Variants in SLC9B1 observed in about 807,000 individuals in gnomAD.
SLC9B1 encodes the protein sodium/hydrogen exchanger 9B1.
SLC9B1 carries 32 observed loss-of-function variants against 51.7 expected under a neutral mutation model. That is an observed-to-expected ratio of 0.62 (90% CI 0.47 to 0.83). SLC9B1 has a LOEUF of 0.83. Among genes scored for constraint, SLC9B1 ranks in the 40% least tolerant of loss-of-function variants. The pLI is 0.00. For missense variants in SLC9B1, 406 were observed against 613.2 expected (o/e 0.66, Z 3.57); for synonymous variants, 145 against 212.7 (o/e 0.68, Z 2.77).
In SLC9B1 at chr4:102,901,342, G is replaced by C. The variant is rs1184746396; in HGVS notation, c.1333-10C>G. On this transcript the variant is annotated splice_polypyrimidine_tract_variant and intron_variant, in intron 11 of 11. Coordinates refer to ENST00000296422, the MANE Select transcript of SLC9B1 (RefSeq NM_139173.4). ...GAGGACCTAACACAGCCTGCATTTA[G>C]GGGTAAAAATGGGGCATAAAGAAAA... The C allele has an allele frequency of 5.6e-6, 9 of 1,611,398 alleles. No individual in the cohort carries two copies. Among genetic ancestry groups the C allele is most frequent in the Non-Finnish European group, 6.8e-6 (8 of 1,179,446 alleles).
chr4:102,981,192 T>C (rs1739338873), intron 3 of SLC9B1, among the ~76,000 whole-genome samples: 1 of 152,210 alleles, frequency 6.6e-6, no homozygotes, highest in South Asian at 2.1e-4. Flanking sequence ...TTCTTTTCAG[T>C]ATTGAATAAT....
At position 102,945,201 on chromosome 4, in the gene SLC9B1, A is replaced by T. The variant is rs1400221720; in HGVS notation, c.645T>A (p.Phe215Leu). The part of the protein sequence containing the change: ...FIMKFPWQWA[F>L]LLGFVLGAVS... ...AATGAGAAAGAAATTACCCTAATAG[A>T]AATGCCCATTGCCAGGGAAATTTCA... Residue 215 changes from phenylalanine (F) to leucine (L), a missense_variant, in exon 6 of 12, where the codon TTT becomes TTA. Around this residue, in one of 6 missense-constraint regions of SLC9B1, gnomAD observed 250 missense variants for 394.1 expected, o/e 0.63. Coordinates refer to ENST00000296422, the MANE Select transcript of SLC9B1 (RefSeq NM_139173.4). The T allele has an allele frequency of 6.2e-7, 1 of 1,601,142 alleles. No individual in the cohort carries two copies. The highest frequency in any genetic ancestry group is 1.3e-5 in the African/African-American group (1 of 74,518).
chr4:102,911,409 A>G (rs1016164880), intron 8 of SLC9B1, 22 bp downstream of exon 8: 3 of 1,518,304 alleles, frequency 2.0e-6, no homozygotes, highest in African/African-American at 2.8e-5. Flanking sequence ...CTATACTTCT[A>G]TAAAATAGAT....
chr4:102,967,740 C>T (rs2110495148), intron 3 of SLC9B1, among the ~76,000 whole-genome samples: 1 of 152,292 alleles, frequency 6.6e-6, no homozygotes, highest in African/African-American at 2.4e-5. Flanking sequence ...TAGGCCCCAC[C>T]TCTTAAGCAT....
chr4:102,997,984 T>C (rs985051519), intron 1 of SLC9B1, among the ~76,000 whole-genome samples: 2 of 152,194 alleles, frequency 1.3e-5, no homozygotes, highest in Non-Finnish European at 2.9e-5. Context: ...TAATCACAAT[T>C]ATTTTAAGCA....
At chr4:102,999,464 C>G (rs934647066) in intron 1 of SLC9B1, among the ~76,000 whole-genome samples, 1 of 152,124 alleles carries the variant, frequency 6.6e-6, no homozygotes, top group Non-Finnish European at 1.5e-5. Context: ...ACCTCTTTAA[C>G]TCAAAAATCT....
At chr4:102,926,920 G>T (rs1488292294) in intron 7 of SLC9B1, among the ~76,000 whole-genome samples, 2 of 152,120 alleles carry the variant, frequency 1.3e-5, no homozygotes, top group Non-Finnish European at 2.9e-5. Context: ...CAATGGAACA[G>T]AACAGAGGCC....
chr4:103,007,214 A>C (rs1740832472), intron 1 of SLC9B1, among the ~76,000 whole-genome samples: 1 of 152,178 alleles, frequency 6.6e-6, no homozygotes. Flanking sequence ...ATGATTCTAC[A>C]CCTAGAAAAC....
At chr4:102,973,666 A>G (rs1738878638) in intron 3 of SLC9B1, among the ~76,000 whole-genome samples, 1 of 152,252 alleles carries the variant, frequency 6.6e-6, no homozygotes, top group Non-Finnish European at 1.5e-5. Flanking sequence ...AACAAACATT[A>G]TAACATGTGG....
chr4:102,885,667 T>C (rs1733871249), intron 11 of SLC9B1, among the ~76,000 whole-genome samples: 1 of 152,222 alleles, frequency 6.6e-6, no homozygotes, highest in Admixed American at 6.5e-5. Context: ...GGCATTTATG[T>C]AGAGTAACAT....
intron 1 of SLC9B1, among the ~76,000 whole-genome samples, chr4:103,015,440 C>T (rs1741267854): frequency 6.6e-6 from 1 of 152,088 alleles, no homozygotes; most frequent in African/African-American, 2.4e-5. Context: ...ACTAATTTAG[C>T]TACTAATTCA....
At chr4:102,976,508 A>C (rs936103037) in intron 3 of SLC9B1, among the ~76,000 whole-genome samples, 1 of 152,254 alleles carries the variant, frequency 6.6e-6, no homozygotes, top group Admixed American at 6.5e-5. Flanking sequence ...CCAGTCATAA[A>C]GAGCTAATAC....
At chr4:102,885,765 C>T (rs892570153) in intron 11 of SLC9B1, among the ~76,000 whole-genome samples, 4 of 152,256 alleles carry the variant, frequency 2.6e-5, no homozygotes, top group East Asian at 3.9e-4. Context: ...GTCAAATATA[C>T]TTGTCACAGT....
chr4:102,980,678 C>T (rs529098240), intron 3 of SLC9B1, among the ~76,000 whole-genome samples: 67 of 152,112 alleles, frequency 4.4e-4, no homozygotes, highest in Non-Finnish European at 8.2e-4. Flanking sequence ...AAACCACCAT[C>T]GCACATGTTT....
chr4:102,962,368 G>A (rs1479561732), intron 3 of SLC9B1: 9 of 538,516 alleles, frequency 1.7e-5, no homozygotes, highest in East Asian at 1.1e-4. Flanking sequence ...CATGGAGCAA[G>A]TGGTTTTTAA....
At chr4:103,009,682 T>C (rs1740991726) in intron 1 of SLC9B1, among the ~76,000 whole-genome samples, 1 of 152,372 alleles carries the variant, frequency 6.6e-6, no homozygotes, top group Admixed American at 6.5e-5. Flanking sequence ...ATTTAACACA[T>C]ACTTATTCAA....
chr4:102,942,865 G>T (rs1417246513), intron 6 of SLC9B1, among the ~76,000 whole-genome samples: 1 of 152,116 alleles, frequency 6.6e-6, no homozygotes, highest in East Asian at 1.9e-4. Flanking sequence ...CACAGCAAAA[G>T]AAATAATCAG....
chr4:102,978,362 A>T (rs1043218560), intron 3 of SLC9B1, among the ~76,000 whole-genome samples: 11 of 152,180 alleles, frequency 7.2e-5, no homozygotes, highest in Non-Finnish European at 1.2e-4. Flanking sequence ...AGAAACTACC[A>T]TCAGAGTGAA....
chr4:102,983,731 C>T (rs1560519670), intron 3 of SLC9B1, among the ~76,000 whole-genome samples: 1 of 152,060 alleles, frequency 6.6e-6, no homozygotes, highest in East Asian at 1.9e-4. Context: ...GCAATGTCTT[C>T]TCTTTTATTT....
Sources: gnomAD v4.1 joint callset for allele counts (sites outside exome capture counted in the v4.1 genomes callset) on GRCh38, gnomAD v4.1.1 for gene constraint, gnomAD v4.1.1 regional missense constraint, MANE v1.5 for transcripts, NCBI Gene and HGNC (gene_info 2026-07-23, HGNC 2026-07-21) for gene names.